MGAT4C: variants seen among roughly 807,000 people sequenced by gnomAD.
MGAT4C encodes alpha-1,3-mannosyl-glycoprotein 4-beta-N-acetylglucosaminyltransferase C.
In MGAT4C, 19 loss-of-function variants were observed where a neutral mutation model predicts 40.1. The ratio of observed to expected loss-of-function variants is 0.47; its 90% CI spans 0.33 to 0.70. The LOEUF is 0.70. Ranked by LOEUF, MGAT4C falls within the 30% of genes least tolerant of loss-of-function variation. MGAT4C has a pLI of 0.02. For missense variants in MGAT4C, 491 were observed against 563.2 expected (o/e 0.87, Z 1.30); for synonymous variants, 181 against 187.1 (o/e 0.97, Z 0.27).
chr12:86,089,764 G>A lies in MGAT4C; in HGVS notation c.-56-40041C>T, dbSNP rs540593370. Among the ~76,000 whole-genome samples, 9 of 151,284 alleles carry A rather than the reference G, an allele frequency of 5.9e-5. No homozygotes were observed. The South Asian group carries it at 1.9e-3, about 32-fold the overall frequency. ...GTCACATTTTGCCATTTTGCTTTAG[G>A]TGTGTTTCTCCTTGGCAGATTTTAC... is the stretch of plus-strand genomic sequence containing the variant. On this transcript the variant is annotated intron_variant, in intron 1 of 4. Coordinates refer to ENST00000611864, the MANE Select transcript of MGAT4C (RefSeq NM_001351288.2).
intron 2 of MGAT4C, among the ~76,000 whole-genome samples, chr12:86,700,200 G>C (rs982486854): frequency 1.9e-4 from 28 of 150,494 alleles, no homozygotes; most frequent in Non-Finnish European, 3.2e-4. Flanking sequence ...TAGATAGATA[G>C]ATAGATAGAT....
At chr12:86,079,644 C>T (rs537819602) in intron 1 of MGAT4C, among the ~76,000 whole-genome samples, 4 of 151,942 alleles carry the variant, frequency 2.6e-5, no homozygotes, top group African/African-American at 9.7e-5. Flanking sequence ...TGGAAAATTA[C>T]CCTGAAAACA....
chr12:86,202,440 A>G (rs972324327), intron 1 of MGAT4C, among the ~76,000 whole-genome samples: 2 of 152,074 alleles, frequency 1.3e-5, no homozygotes, highest in South Asian at 2.1e-4. Context: ...ATAACGTTCC[A>G]CATAGTAATG....
At chr12:86,163,288 C>T (rs1015854656) in intron 1 of MGAT4C, among the ~76,000 whole-genome samples, 1 of 151,368 alleles carries the variant, frequency 6.6e-6, no homozygotes, top group African/African-American at 2.4e-5. Flanking sequence ...GGCTCCAATT[C>T]CTGGGTTCAA....
At chr12:86,125,711 C>T (rs1880130622) in intron 1 of MGAT4C, among the ~76,000 whole-genome samples, 1 of 151,924 alleles carries the variant, frequency 6.6e-6, no homozygotes, top group African/African-American at 2.4e-5. Context: ...TTGGAGAGGA[C>T]AAAATACCAA....
chr12:86,412,482 A>T (rs1206099702), intron 3 of MGAT4C, among the ~76,000 whole-genome samples: 1 of 152,112 alleles, frequency 6.6e-6, no homozygotes, highest in African/African-American at 2.4e-5. Context: ...TAATTGCCCT[A>T]TTGAGTTTTG....
At chr12:86,237,528 T>C (rs1357341871) in intron 1 of MGAT4C, among the ~76,000 whole-genome samples, 1 of 151,956 alleles carries the variant, frequency 6.6e-6, no homozygotes, top group Non-Finnish European at 1.5e-5. Flanking sequence ...AAATTGTCTA[T>C]TAAAATCTTT....
chr12:85,966,810 A>G lies in MGAT4C; in HGVS notation c.*12479T>C, dbSNP rs933126254. ...AAACTATTGCAACGACAAAAAAACCAAACACTGCATGTTCTCATAGGTGGG... is the reference window on the plus strand; with the variant it reads ...AAACTATTGCAACGACAAAAAAACCGAACACTGCATGTTCTCATAGGTGGG... On this transcript the variant is annotated 3_prime_UTR_variant, in exon 5 of 5. Coordinates refer to ENST00000611864, the MANE Select transcript of MGAT4C (RefSeq NM_001351288.2). The G allele has an allele frequency of 6.6e-6, 1 of 151,900 alleles. No homozygotes were observed. The highest frequency in any genetic ancestry group is 1.5e-5 in the Non-Finnish European group (1 of 68,032). 9.4% of individuals were successfully genotyped at this position (151,900 alleles called of 1,614,324 possible). A position where few individuals can be genotyped will look rare whatever the true frequency, so the allele number is the denominator to read the frequency against.
At chr12:86,776,029 T>C (rs904517377) in intron 1 of MGAT4C, among the ~76,000 whole-genome samples, 4 of 152,032 alleles carry the variant, frequency 2.6e-5, no homozygotes, top group African/African-American at 9.7e-5. Context: ...ATAAAATCAA[T>C]GACGTTTCTG....
chr12:86,585,728 T>TA (rs766425193), intron 2 of MGAT4C, among the ~76,000 whole-genome samples: 5 of 149,706 alleles, frequency 3.3e-5, no homozygotes, highest in South Asian at 2.1e-4. Context: ...ATGTTTTATT[T>TA]TTTTTAATTT....
At chr12:86,491,255 A>T (rs1168632127) in intron 2 of MGAT4C, among the ~76,000 whole-genome samples, 3 of 152,196 alleles carry the variant, frequency 2.0e-5, no homozygotes, top group African/African-American at 7.2e-5. Context: ...AAACTATTCC[A>T]ATCAATAGAA....
chr12:86,037,178 C>T lies in MGAT4C; in HGVS notation c.-7+12496G>A, dbSNP rs1294476812. ...TATTGCATCTATTTGATTCTTCTCT[C>T]TTTTCTTCTTTATTAGTCTGGCTAG... On this transcript the variant is annotated intron_variant, in intron 2 of 4. Transcript: ENST00000611864. Among the ~76,000 whole-genome samples, 4 of 149,966 alleles carry T rather than the reference C, an allele frequency of 2.7e-5. 1 individual carries two copies. The highest frequency in any genetic ancestry group is 6.0e-5 in the Non-Finnish European group (4 of 66,896).
chr12:86,417,763 T>C (rs1327849703), intron 3 of MGAT4C, among the ~76,000 whole-genome samples: 1 of 152,146 alleles, frequency 6.6e-6, no homozygotes, highest in African/African-American at 2.4e-5. Context: ...AGATACTTTC[T>C]TTTAATAAGA....
intron 1 of MGAT4C, among the ~76,000 whole-genome samples, chr12:86,758,935 C>A (rs1031540000): frequency 2.0e-5 from 3 of 152,016 alleles, no homozygotes; most frequent in Admixed American, 2.0e-4. Flanking sequence ...ATATATACTG[C>A]ATTACTGTTA....
At chr12:86,587,764 T>C (rs913821047) in intron 2 of MGAT4C, among the ~76,000 whole-genome samples, 1 of 151,284 alleles carries the variant, frequency 6.6e-6, no homozygotes, top group African/African-American at 2.4e-5. Flanking sequence ...CTTATTGGTG[T>C]ATAAGAATGC....
intron 2 of MGAT4C, among the ~76,000 whole-genome samples, chr12:86,025,927 T>C (rs990003331): frequency 2.0e-5 from 3 of 151,782 alleles, no homozygotes; most frequent in Non-Finnish European, 4.4e-5. Flanking sequence ...GGGTTCCTGA[T>C]ATATACATAC....
chr12:86,836,814 A>G (rs776781050), intron 1 of MGAT4C, among the ~76,000 whole-genome samples: 12 of 152,166 alleles, frequency 7.9e-5, no homozygotes, highest in Non-Finnish European at 1.5e-4. Flanking sequence ...TGAAGTGACT[A>G]TTTCATTATC....
At chr12:86,227,276 G>A (rs1298240549) in intron 1 of MGAT4C, among the ~76,000 whole-genome samples, 1 of 151,636 alleles carries the variant, frequency 6.6e-6, no homozygotes, top group East Asian at 1.9e-4. Context: ...CAGTGGCCCA[G>A]CATCGAATCC....
At chr12:86,577,430 C>A (rs1350699484) in intron 2 of MGAT4C, among the ~76,000 whole-genome samples, 1 of 151,682 alleles carries the variant, frequency 6.6e-6, no homozygotes, top group African/African-American at 2.4e-5. Context: ...CAGTATAATA[C>A]TAGTTTTGGG....
Sources: gnomAD v4.1 joint callset for allele counts (sites outside exome capture counted in the v4.1 genomes callset) on GRCh38, gnomAD v4.1.1 for gene constraint, MANE v1.5 for transcripts, NCBI Gene and HGNC (gene_info 2026-07-23, HGNC 2026-07-21) for gene names.